Variants in TMPRSS9 observed in about 807,000 individuals in gnomAD.
The protein encoded by TMPRSS9 is transmembrane protease serine 9.
Under a neutral mutation model 111.4 loss-of-function variants are expected in TMPRSS9, and 113 were observed. The ratio of observed to expected loss-of-function variants is 1.01; its 90% CI spans 0.87 to 1.19. The LOEUF is 1.19. Among genes scored for constraint, TMPRSS9 ranks in the 50% most tolerant of loss-of-function variants. The probability of loss-of-function intolerance (pLI) is 0.00; values close to 1 mark genes in which losing one functional copy is unlikely to be tolerated. For missense variants in TMPRSS9, 1,803 were observed against 1,513.1 expected (o/e 1.19, Z -3.18); for synonymous variants, 805 against 659.1 (o/e 1.22, Z -3.39).
chr19:2,379,619 T>TTCTTTCTTTCTTTCTATCTA (rs1323836510), intron 1 of TMPRSS9, among the ~76,000 whole-genome samples: 35 of 106,680 alleles, frequency 3.3e-4, no homozygotes, highest in African/African-American at 1.2e-3. Context: ...TTCTTTCTCT[T>TTCTTTCTTTCTTTCTATCTA]TCTTTCTTTC....
At chr19:2,397,705 G>C (rs1274757819) in intron 2 of TMPRSS9, among the ~76,000 whole-genome samples, 2 of 151,776 alleles carry the variant, frequency 1.3e-5, no homozygotes, top group Non-Finnish European at 2.9e-5. Flanking sequence ...GGATACCTGA[G>C]GTCAGGAGTT....
At position 2,413,100 on chromosome 19, in the gene TMPRSS9, CAGG is replaced by C. The variant is rs368855759; in HGVS notation, c.1255-597_1255-595del. Among the ~76,000 whole-genome samples, 322 of 152,164 alleles carry C rather than the reference CAGG, an allele frequency of 2.1e-3. 3 individuals are homozygous for C. The highest frequency in any genetic ancestry group is 7.5e-3 in the African/African-American group (311 of 41,532). On this transcript the variant is annotated intron_variant, in intron 9 of 17. Coordinates refer to ENST00000648592, the Ensembl canonical transcript of TMPRSS9. The stretch of plus-strand genomic sequence containing the variant: ...ATCACAGCTACTTGGGAGGCTGAGG[CAGG>C]AGAATTGCTTGAACCTGGGAGGAGG...
At chr19:2,425,078 G>A (rs1452689120) in exon 16 of TMPRSS9, 4 of 1,575,912 alleles carry the variant, frequency 2.5e-6, no homozygotes, top group South Asian at 1.1e-5. Flanking sequence ...GCTGGAGCGC[G>A]TGGCGCGCAT....
chr19:2,386,546 G>A (rs949117097), upstream of TMPRSS9, among the ~76,000 whole-genome samples: 7 of 151,978 alleles, frequency 4.6e-5, no homozygotes, highest in African/African-American at 7.2e-5. Flanking sequence ...GATTACAGGC[G>A]TGAGCCACTG....
At position 2,421,896 on chromosome 19, in the gene TMPRSS9, G is replaced by A. The variant is rs151191920; in HGVS notation, c.2197G>A (p.Val733Met). 119 of 1,612,366 alleles carry A rather than the reference G, an allele frequency of 7.4e-5. No homozygotes were observed. The African/African-American group carries it at 7.7e-4, about 10-fold the overall frequency. Reference sequence around the variant, plus strand: ...CCTGGCCTGCGAGGAGGCCCCTGGCGTGTTTTATCTGGCAGGGATCGTGAG... The same window carrying A: ...CCTGGCCTGCGAGGAGGCCCCTGGCATGTTTTATCTGGCAGGGATCGTGAG... The change falls in exon 14 of 18, where the codon GTG becomes ATG. Residue 733 changes from valine to methionine, a missense_variant. Val to Met is a conservative substitution (Grantham distance 21). Transcript: ENST00000648592.
chr19:2,389,413 G>T (rs1410494312), upstream of TMPRSS9, among the ~76,000 whole-genome samples: 1 of 102,860 alleles, frequency 9.7e-6, no homozygotes, highest in Non-Finnish European at 1.9e-5. Context: ...TCTGTCACCC[G>T]GGCTGGAGTG....
At chr19:2,410,321 G>A (rs148284151) in exon 9 of TMPRSS9, 1 of 1,614,114 alleles carries the variant, frequency 6.2e-7, no homozygotes, top group African/African-American at 1.3e-5. Context: ...CTGTGTGCCA[G>A]CTTGTACGGC....
At chr19:2,376,008 T>A (rs1306836647) in intron 1 of TMPRSS9, among the ~76,000 whole-genome samples, 2 of 152,112 alleles carry the variant, frequency 1.3e-5, no homozygotes, top group African/African-American at 4.8e-5. Flanking sequence ...CTCTCCGAAG[T>A]CAGCATCGAG....
intron 1 of TMPRSS9, among the ~76,000 whole-genome samples, chr19:2,391,237 CAAAAAA>C (rs10650164): frequency 2.5e-4 from 13 of 53,016 alleles, no homozygotes; most frequent in Admixed American, 1.5e-3. Context: ...AATTCCATCT[CAAAAAA>C]AAAAAAAAAA....
intron 7 of TMPRSS9, among the ~76,000 whole-genome samples, chr19:2,407,148 T>G (rs1050717597): frequency 1.3e-5 from 2 of 151,982 alleles, no homozygotes; most frequent in African/African-American, 4.8e-5. Flanking sequence ...TCTTTAAATT[T>G]TGTGCCCAAG....
chr19:2,413,885 G>A (rs1159215231), exon 10 of TMPRSS9: 1 of 1,613,494 alleles, frequency 6.2e-7, no homozygotes, highest in East Asian at 2.2e-5. Flanking sequence ...CCCCCACCAT[G>A]GCTCCTGCCC....
chr19:2,425,151 C>A, exon 16 of TMPRSS9: 1 of 1,574,728 alleles, frequency 6.4e-7, no homozygotes, highest in Non-Finnish European at 8.6e-7. Flanking sequence ...CTGGAGCTGG[C>A]GGGGCCGGTG....
In TMPRSS9 at chr19:2,380,316, C is replaced by A. The variant is rs190053994; in HGVS notation, c.-25-9445C>A. 1.1e-3 allele frequency among the ~76,000 whole-genome samples: 168 copies of A among 151,674 alleles called. No individual in the cohort carries two copies. In the Middle Eastern group the frequency reaches 0.02, roughly 18 times the overall value. Reference sequence around the variant, plus strand: ...AACAACAAAAAAACCCCACAAAAAACCAGGTACAGTGGCTCATGCCTGTAA... The same window carrying A: ...AACAACAAAAAAACCCCACAAAAAAACAGGTACAGTGGCTCATGCCTGTAA... On this transcript the variant is annotated intron_variant, in intron 1 of 17. Transcript: ENST00000649857.
chr19:2,396,755 C>T (rs1260746503), intron 2 of TMPRSS9, 89 bp downstream of exon 3: 1 of 1,481,602 alleles, frequency 6.7e-7, no homozygotes, highest in Non-Finnish European at 9.0e-7. Context: ...GGGAGGGAGG[C>T]AGGCCACAGG....
chr19:2,418,397 G>GCCTTCCCTTCCT, intron 13 of TMPRSS9, among the ~76,000 whole-genome samples: 4 of 6,546 alleles, frequency 6.1e-4, no homozygotes, highest in Non-Finnish European at 1.0e-3. Context: ...TTCCCTCCCT[G>GCCTTCCCTTCCT]GCCTTTCCTT....
At chr19:2,417,640 CCT>C (rs1971279399) in intron 12 of TMPRSS9, among the ~76,000 whole-genome samples, 1 of 152,046 alleles carries the variant, frequency 6.6e-6, no homozygotes, top group Admixed American at 6.6e-5. Flanking sequence ...AGAGCAAGAC[CCT>C]GTCTCAAAAA....
At chr19:2,411,299 C>CAAAAAAAAAA (rs771305642) in intron 9 of TMPRSS9, among the ~76,000 whole-genome samples, 12 of 32,320 alleles carry the variant, frequency 3.7e-4, no homozygotes, top group Non-Finnish European at 5.3e-4. Flanking sequence ...GACTCTGTCT[C>CAAAAAAAAAA]AAAAAAAAAA....
upstream of TMPRSS9, among the ~76,000 whole-genome samples, chr19:2,385,387 T>A (rs1970458523): frequency 1.3e-5 from 2 of 152,050 alleles, no homozygotes; most frequent in Admixed American, 6.6e-5. Flanking sequence ...AATGGGTGGA[T>A]CCCCTGCTCC....
exon 1 of TMPRSS9, chr19:2,389,818 G>A (rs746864626): frequency 1.9e-6 from 3 of 1,613,792 alleles, no homozygotes; most frequent in East Asian, 4.5e-5. Context: ...TACACCTCGT[G>A]CCCAGGACAA....
Sources: gnomAD v4.1 joint callset for allele counts (sites outside exome capture counted in the v4.1 genomes callset) on GRCh38, gnomAD v4.1.1 for gene constraint, MANE v1.5 for transcripts, NCBI Gene and HGNC (gene_info 2026-07-23, HGNC 2026-07-21) for gene names.